Variants in S100A16 observed in about 807,000 individuals in gnomAD.
S100A16 encodes protein S100-A16.
In S100A16, 8 loss-of-function variants were observed where a neutral mutation model predicts 9.0. The observed-to-expected ratio is 0.89, with a 90% CI of 0.52 to 1.60. S100A16 has a LOEUF of 1.60. Ranked by LOEUF, S100A16 falls within the 40% of genes most tolerant of loss-of-function variation. S100A16 has a pLI of 0.00. For missense variants in S100A16, 138 were observed against 132.4 expected (o/e 1.04, Z -0.21); for synonymous variants, 51 against 51.4 (o/e 0.99, Z 0.04).
intron 1 of S100A16, chr1:153,608,979 C>T (rs558104387): frequency 1.1e-4 from 111 of 985,644 alleles, no homozygotes; most frequent in Middle Eastern, 5.2e-4. Flanking sequence ...AGGGCACATG[C>T]GTCACCCTCT....
chr1:153,609,624 C>T (rs1414010115), intron 1 of S100A16, among the ~76,000 whole-genome samples: 1 of 152,186 alleles, frequency 6.6e-6, no homozygotes, highest in Non-Finnish European at 1.5e-5. Context: ...GGGACTCAGA[C>T]TTTAGGACAG....
chr1:153,607,540 G>T lies in S100A16; in HGVS notation c.306C>A (p.Ser102Arg), dbSNP rs747908325. The T allele has an allele frequency of 1.2e-6, 2 of 1,614,064 alleles. No individual in the cohort carries two copies. The highest frequency in any genetic ancestry group is 1.7e-6 in the Non-Finnish European group (2 of 1,180,028). ...KLIHEQEQQSSS is the reference protein window; with the variant it reads ...KLIHEQEQQSRS ...GGTGTGGCCAAAGGGGTCTCTAGCT[G>T]CTGCTCTGCTGCTCCTGCTCATGGA... is the stretch of plus-strand genomic sequence containing the variant. The change falls in exon 3 of 3, where the codon AGC becomes AGA. Residue 102 changes from serine to arginine, a missense_variant. Coordinates refer to ENST00000368706, the MANE Select transcript of S100A16 (RefSeq NM_080388.3).
chr1:153,610,670 A>G (rs1417512044), intron 1 of S100A16, among the ~76,000 whole-genome samples: 4 of 152,142 alleles, frequency 2.6e-5, no homozygotes, highest in Non-Finnish European at 5.9e-5. Flanking sequence ...GGTAAAATGG[A>G]CAGTGCTGGA....
Position 153,606,926 on chromosome 1 carries a change from G to A in S100A16, c.*608C>T, listed in dbSNP as rs1174149880. The A allele has an allele frequency of 4.4e-6, 1 of 226,510 alleles. No homozygotes were observed. Among genetic ancestry groups the A allele is most frequent in the East Asian group, 1.2e-4 (1 of 8,096 alleles). The allele number at this position is 226,510 out of a possible 1,614,324, so 14.0% of individuals were successfully genotyped here. ...AAGGTTTTAATGAGCATCCCAGAGG[G>A]ACCAGGGGATACAAACTCCAAATCC... On this transcript the variant is annotated 3_prime_UTR_variant, in exon 3 of 3. Transcript: ENST00000368706.
chr1:153,609,529 G>A (rs574745258), intron 1 of S100A16, among the ~76,000 whole-genome samples: 45 of 152,342 alleles, frequency 3.0e-4, no homozygotes, highest in African/African-American at 9.6e-4. Context: ...GTGAGGCCAC[G>A]GTGTCTTTCT....
intron 1 of S100A16, among the ~76,000 whole-genome samples, chr1:153,611,926 C>CACACACACAG (rs1666844951): frequency 6.6e-6 from 1 of 151,100 alleles, no homozygotes. Flanking sequence ...CTCACACACA[C>CACACACACAG]ACACACACAC....
intron 1 of S100A16, chr1:153,608,394 C>T (rs947242239): frequency 7.7e-6 from 4 of 522,514 alleles, no homozygotes; most frequent in South Asian, 2.4e-5. Context: ...CCAGCTCAAC[C>T]GCCTCAACAG....
chr1:153,608,189 G>C lies in S100A16; in HGVS notation c.-26-12C>G, dbSNP rs1483825627. ...CCTGCTGGCGGGGCCTGGACACCAG[G>C]AGGAGGGGAGATGAGAAGAGACACC... is the stretch of plus-strand genomic sequence containing the variant. On this transcript the variant is annotated splice_polypyrimidine_tract_variant and intron_variant, in intron 1 of 2. Transcript: ENST00000368706. The C allele has an allele frequency of 6.8e-6, 11 of 1,607,668 alleles. No homozygotes were observed. Among genetic ancestry groups the C allele is most frequent in the Non-Finnish European group, 9.3e-6 (11 of 1,179,176 alleles).
Position 153,608,714 on chromosome 1 carries a change from C to G in S100A16, c.-26-537G>C, listed in dbSNP as rs796565613. On this transcript the variant is annotated intron_variant, in intron 1 of 2. Transcript: ENST00000368706. Reference sequence around the variant, plus strand: ...CCCAATCCCTTGCCGGGCTCCAGGACAGTGAGTCCCGGGTCTCAGAACCTG... The same window carrying G: ...CCCAATCCCTTGCCGGGCTCCAGGAGAGTGAGTCCCGGGTCTCAGAACCTG... Among the ~76,000 whole-genome samples the G allele has an allele frequency of 1.0e-3, 153 of 152,344 alleles. 1 individual carries two copies. The highest frequency in any genetic ancestry group is 3.6e-3 in the African/African-American group (149 of 41,566).
At chr1:153,612,744 A>G (rs573361573) in intron 1 of S100A16, among the ~76,000 whole-genome samples, 7 of 151,974 alleles carry the variant, frequency 4.6e-5, no homozygotes, top group Non-Finnish European at 1.0e-4. Flanking sequence ...CCATCCCTCT[A>G]AAGGCCTCAC....
intron 1 of S100A16, chr1:153,609,192 T>G (rs1320651745): frequency 1.0e-6 from 1 of 985,056 alleles, no homozygotes; most frequent in Non-Finnish European, 1.2e-6. Flanking sequence ...CGGGTCCTGG[T>G]GAAAGGAGAT....
chr1:153,608,341 C>A, intron 1 of S100A16, 164 bp from the exon 2 acceptor site: 1 of 619,560 alleles, frequency 1.6e-6, no homozygotes, highest in Non-Finnish European at 2.8e-6. Context: ...GGAGAGTGAG[C>A]CCTGGAATGA....
chr1:153,608,321 A>G, intron 1 of S100A16, 144 bp from the exon 2 acceptor site: 1 of 668,970 alleles, frequency 1.5e-6, no homozygotes, highest in South Asian at 1.9e-5. Context: ...AGGGGAACAG[A>G]GTGGGTGGGG....
chr1:153,608,337 T>C (rs1375833892), intron 1 of S100A16, 160 bp from the exon 2 acceptor site: 6 of 626,372 alleles, frequency 9.6e-6, no homozygotes, highest in African/African-American at 1.8e-5. Flanking sequence ...TGGGGGAGAG[T>C]GAGCCCTGGA....
At chr1:153,611,310 G>A (rs562987172) in intron 1 of S100A16, among the ~76,000 whole-genome samples, 49 of 131,068 alleles carry the variant, frequency 3.7e-4, no homozygotes, top group African/African-American at 1.0e-3. Flanking sequence ...GGCTCCTTCC[G>A]TCTGGAGCTC....
chr1:153,610,534 T>C (rs1287496115), intron 1 of S100A16, among the ~76,000 whole-genome samples: 2 of 152,136 alleles, frequency 1.3e-5, no homozygotes, highest in Non-Finnish European at 2.9e-5. Flanking sequence ...AAGACACAGA[T>C]GAGCCCCAGA....
At chr1:153,609,422 C>T in intron 1 of S100A16, 3 of 935,668 alleles carry the variant, frequency 3.2e-6, no homozygotes, top group Non-Finnish European at 3.8e-6. Context: ...CCGAAGGAAG[C>T]CTGCCTTGAC....
chr1:153,610,672 A>G (rs1342628107), intron 1 of S100A16, among the ~76,000 whole-genome samples: 2 of 152,208 alleles, frequency 1.3e-5, no homozygotes, highest in Non-Finnish European at 2.9e-5. Flanking sequence ...TAAAATGGAC[A>G]GTGCTGGAGA....
intron 2 of S100A16, 69 bp from the exon 3 acceptor site, chr1:153,607,761 G>A (rs1159619601): frequency 3.8e-6 from 6 of 1,580,636 alleles, no homozygotes; most frequent in African/African-American, 1.3e-5. Context: ...AGGACCCTAG[G>A]CAGAGACCCA....
Sources: gnomAD v4.1 joint callset for allele counts (sites outside exome capture counted in the v4.1 genomes callset) on GRCh38, gnomAD v4.1.1 for gene constraint, MANE v1.5 for transcripts, NCBI Gene and HGNC (gene_info 2026-07-23, HGNC 2026-07-21) for gene names.